NBEA: variants seen among roughly 807,000 people sequenced by gnomAD.
The protein encoded by NBEA is lysosomal-trafficking regulator 2.
Under a neutral mutation model 343.4 loss-of-function variants are expected in NBEA, and 44 were observed. The ratio of observed to expected loss-of-function variants is 0.13; its 90% CI spans 0.10 to 0.16. The LOEUF is 0.16. Among genes scored for constraint, NBEA ranks in the 10% least tolerant of loss-of-function variants. The probability of loss-of-function intolerance (pLI) is 1.00; values close to 1 mark genes in which losing one functional copy is unlikely to be tolerated. For missense variants in NBEA, 2,555 were observed against 3,631.3 expected, an observed-to-expected ratio of 0.70 and a Z score of 7.62; for synonymous variants, 1,175 against 1,238.7, an observed-to-expected ratio of 0.95 and a Z score of 1.08.
intron 28 of NBEA, among the ~76,000 whole-genome samples, chr13:35,178,884 G>A (rs1047518659): frequency 1.1e-4 from 16 of 151,468 alleles, no homozygotes; most frequent in African/African-American, 3.9e-4. Context: ...GAAAAAATGT[G>A]TTGTGAAAAG....
At chr13:35,164,550 T>A (rs1261058875) in intron 24 of NBEA, 41 bp downstream of exon 24, 3 of 1,573,042 alleles carry the variant, frequency 1.9e-6, no homozygotes, top group Non-Finnish European at 2.6e-6. Context: ...ATTTTATAAA[T>A]ACATGACTTT....
chr13:35,253,405 A>G (rs1487492411), intron 34 of NBEA, among the ~76,000 whole-genome samples: 2 of 152,230 alleles, frequency 1.3e-5, no homozygotes, highest in African/African-American at 4.8e-5. Context: ...TGTTAGCCAT[A>G]GTGATATCAC....
At chr13:35,244,255 A>G (rs1410132473) in intron 34 of NBEA, among the ~76,000 whole-genome samples, 3 of 151,964 alleles carry the variant, frequency 2.0e-5, no homozygotes, top group Non-Finnish European at 4.4e-5. Context: ...TATTTTGAAT[A>G]TGCCACTCAC....
chr13:35,397,994 A>C (rs1178875252), intron 38 of NBEA, among the ~76,000 whole-genome samples: 2 of 152,156 alleles, frequency 1.3e-5, no homozygotes, highest in Non-Finnish European at 2.9e-5. Context: ...GCTGTTTGAT[A>C]GCATTTTCCC....
intron 17 of NBEA, among the ~76,000 whole-genome samples, chr13:35,128,529 A>G (rs2067248503): frequency 6.6e-6 from 1 of 152,148 alleles, no homozygotes; most frequent in African/African-American, 2.4e-5. Flanking sequence ...GAGTGCTATC[A>G]TGCTGGCTCC....
intron 34 of NBEA, among the ~76,000 whole-genome samples, chr13:35,236,429 T>A (rs1393260171): frequency 6.8e-6 from 1 of 147,644 alleles, no homozygotes; most frequent in Non-Finnish European, 1.5e-5. Context: ...TTGTTTTGTT[T>A]TGTTTTGTTT....
rs143063389 is a variant in NBEA at position 35,174,460 on chromosome 13, A to G, written c.4554+866A>G. On this transcript the variant is annotated intron_variant, in intron 27 of 58. Transcript: ENST00000379939. ...TATTGATACAGTAACTTTTTGCTCA[A>G]TAAGTGAAGGTATGAAATAGAAGTT... is the stretch of plus-strand genomic sequence containing the variant. Among the ~76,000 whole-genome samples, 19 of 152,220 alleles carry G rather than the reference A, an allele frequency of 1.2e-4. No homozygotes were observed. The East Asian group carries it at 2.3e-3, about 19-fold the overall frequency.
At chr13:35,525,171 G>A (rs2077908712) in intron 41 of NBEA, among the ~76,000 whole-genome samples, 1 of 152,114 alleles carries the variant, frequency 6.6e-6, no homozygotes, top group Non-Finnish European at 1.5e-5. Context: ...CCTTGCTTTA[G>A]TGCCTGGTAT....
chr13:34,944,692 A>G (rs1004565890), intron 1 of NBEA, among the ~76,000 whole-genome samples: 13 of 151,716 alleles, frequency 8.6e-5, no homozygotes, highest in Non-Finnish European at 1.8e-4. Flanking sequence ...ATAAATCTCA[A>G]ACTGTTAGTA....
At chr13:34,971,718 G>A (rs1593319521) in intron 1 of NBEA, among the ~76,000 whole-genome samples, 1 of 152,010 alleles carries the variant, frequency 6.6e-6, no homozygotes, top group South Asian at 2.1e-4. Context: ...TGATTGTGGT[G>A]AATAAGTTTG....
intron 36 of NBEA, among the ~76,000 whole-genome samples, chr13:35,341,628 G>A (rs969272833): frequency 1.3e-5 from 2 of 151,954 alleles, no homozygotes; most frequent in African/African-American, 4.8e-5. Context: ...GGTGGCCAAT[G>A]GACACATGAA....
intron 1 of NBEA, among the ~76,000 whole-genome samples, chr13:34,976,598 G>T (rs1474867760): frequency 6.7e-6 from 1 of 149,870 alleles, no homozygotes; most frequent in African/African-American, 2.5e-5. Context: ...AAATTACAAA[G>T]AATTATGACT....
rs2037211342 is a variant in NBEA at position 35,309,463 on chromosome 13, T to G, written c.5839-65T>G. ...TTATTAACAATATCAACATGATCCT[T>G]AAACCAGAAGTTACTTTCATTAAGT... On this transcript the variant is annotated intron_variant, in intron 35 of 58. Coordinates refer to ENST00000379939, the MANE Select transcript of NBEA (RefSeq NM_001385012.1). 3 of 861,610 alleles carry G rather than the reference T, an allele frequency of 3.5e-6. No homozygotes were observed. The Admixed American group carries it at 7.8e-5, about 22-fold the overall frequency. The allele number at this position is 861,610 out of a possible 1,614,324, so 53.4% of individuals were successfully genotyped here.
chr13:35,649,921 ACTGGGAT>A, intron 52 of NBEA, 74 bp downstream of exon 52: 1 of 1,221,520 alleles, frequency 8.2e-7, no homozygotes, highest in Non-Finnish European at 1.1e-6. Context: ...GTGTACTGGG[ACTGGGAT>A]TAGCTCATAT....
At chr13:35,231,275 A>C (rs2074957261) in intron 33 of NBEA, among the ~76,000 whole-genome samples, 1 of 152,106 alleles carries the variant, frequency 6.6e-6, no homozygotes, top group East Asian at 1.9e-4. Context: ...AAGTCATCCG[A>C]TATTATTCTC....
At chr13:35,648,624 G>A (rs2031809) in intron 51 of NBEA, among the ~76,000 whole-genome samples, 1 of 151,992 alleles carries the variant, frequency 6.6e-6, no homozygotes, top group Admixed American at 6.5e-5. Context: ...TCATGTAGCA[G>A]AGAATTCATA....
chr13:35,414,818 A>G (rs564099033), intron 38 of NBEA, among the ~76,000 whole-genome samples: 39 of 152,292 alleles, frequency 2.6e-4, no homozygotes, highest in African/African-American at 8.9e-4. Flanking sequence ...TGTCTTCCAC[A>G]ATGGTTGAAC....
chr13:35,184,039 C>A lies in NBEA; in HGVS notation c.4895C>A (p.Pro1632His). The change falls in exon 30 of 59, where the codon CCT becomes CAT. Residue 1632 changes from proline (P) to histidine (H), a missense_variant. Physicochemically the swap from Pro to His is moderately conservative, Grantham distance 77. This residue lies in a region of NBEA where 270 missense variants were observed against 293.3 expected (regional missense o/e 0.92). Coordinates refer to ENST00000379939, the MANE Select transcript of NBEA (RefSeq NM_001385012.1). ...CATGGATTCCTTGCCAAGTTAATTC[C>A]TGAGCAGAGCTTTGGCCACTCATTT... is the stretch of plus-strand genomic sequence containing the variant. ...LNHGFLAKLI[P>H]EQSFGHSFYK... is the part of the protein sequence containing the mutation. The A allele has an allele frequency of 6.2e-7, 1 of 1,611,662 alleles. No homozygotes were observed.
chr13:35,156,249 A>G, intron 20 of NBEA, 43 bp downstream of exon 20: 2 of 1,465,608 alleles, frequency 1.4e-6, no homozygotes, highest in South Asian at 2.7e-5. Context: ...TTCCATAATT[A>G]ATATTTTCTC....
Sources: allele counts gnomAD v4.1 joint callset (sites outside exome capture counted in the v4.1 genomes callset), GRCh38; gene constraint gnomAD v4.1.1; regional missense constraint gnomAD v4.1.1; transcripts MANE v1.5; gene names NCBI Gene and HGNC (gene_info 2026-07-23, HGNC 2026-07-21).